The following DNAH8 variants were observed in gnomAD, a reference collection of about 807,000 sequenced individuals.
DNAH8 encodes the protein axonemal beta dynein heavy chain 8.
A neutral mutation model predicts 562.1 loss-of-function variants in DNAH8; 382 were observed. That is an observed-to-expected ratio of 0.68 (90% CI 0.63 to 0.74). The LOEUF (loss-of-function observed/expected upper bound fraction) is 0.74. Among genes scored for constraint, DNAH8 ranks in the 30% least tolerant of loss-of-function variants. The probability of loss-of-function intolerance (pLI) is 0.00; values close to 1 mark genes in which losing one functional copy is unlikely to be tolerated. For synonymous variants in DNAH8, 1,881 were observed against 1,919.4 expected, an observed-to-expected ratio of 0.98 and a Z score of 0.52; for missense variants, 5,203 against 5,620.4, an observed-to-expected ratio of 0.93 and a Z score of 2.37.
In DNAH8 at chr6:38,781,240, A is replaced by G. The variant is rs764071909; in HGVS notation, c.2140-14A>G. ...TATTGAATTCAAACATTAACATCAG[A>G]TTTTTAATTACAGCTTTATCATTCT... On this transcript the variant is annotated splice_polypyrimidine_tract_variant and intron_variant, in intron 15 of 92. Transcript: ENST00000327475. 3.1e-6 allele frequency: 5 copies of G among 1,613,396 alleles called. No individual in the cohort carries two copies.
At chr6:38,864,184 A>G (rs1253658992) in intron 45 of DNAH8, 124 bp downstream of exon 45, 10 of 870,228 alleles carry the variant, frequency 1.1e-5, no homozygotes, top group African/African-American at 3.5e-5. Flanking sequence ...CTCTCTTACC[A>G]TATGATTTTT....
chr6:38,783,112 A>G lies in DNAH8; in HGVS notation c.2368A>G (p.Ile790Val), dbSNP rs3823430. The change falls in exon 17 of 93, where the codon ATC (isoleucine) becomes GTC (valine). Residue 790 changes from isoleucine (I) to valine (V), a missense_variant. Ile to Val is a conservative substitution (Grantham distance 29, BLOSUM62 3). Transcript: ENST00000327475. ...CGAGGTGGTCTATCACACAGCCTGGATCAGAGAGATTTCACAGTTGCATTA... is the reference window on the plus strand; with the variant it reads ...CGAGGTGGTCTATCACACAGCCTGGGTCAGAGAGATTTCACAGTTGCATTA... ...EFEVVYHTAW[I>V]REISQLHYAL... 227,601 of 1,613,132 alleles carry G rather than the reference A, an allele frequency of 0.14. 17,715 individuals are homozygous for G. Among genetic ancestry groups the G allele is most frequent in the East Asian group, 0.34 (15,370 of 44,838 alleles).
intron 88 of DNAH8, among the ~76,000 whole-genome samples, chr6:38,997,918 C>T (rs557241328): frequency 1.3e-4 from 20 of 152,182 alleles, no homozygotes; most frequent in African/African-American, 2.9e-4. Context: ...CCACCAGGCC[C>T]GGCTAATATT....
At chr6:38,801,619 AC>A (rs1770785786) in intron 21 of DNAH8, among the ~76,000 whole-genome samples, 1 of 152,218 alleles carries the variant, frequency 6.6e-6, no homozygotes, top group Admixed American at 6.5e-5. Flanking sequence ...AGCCTCCGTT[AC>A]CATTCCAGTG....
At chr6:38,838,962 C>T (rs1011017327) in intron 33 of DNAH8, among the ~76,000 whole-genome samples, 1 of 152,132 alleles carries the variant, frequency 6.6e-6, no homozygotes. Context: ...AAAGCCACAA[C>T]GTGAAAATTT....
chr6:38,724,144 A>C (rs1339171760), intron 3 of DNAH8, among the ~76,000 whole-genome samples: 1 of 151,688 alleles, frequency 6.6e-6, no homozygotes, highest in Non-Finnish European at 1.5e-5. Flanking sequence ...CGCCCAGCTA[A>C]ATTTTTTTTT....
At chr6:38,876,549 G>A (rs1303360474) in intron 53 of DNAH8, among the ~76,000 whole-genome samples, 1 of 152,198 alleles carries the variant, frequency 6.6e-6, no homozygotes, top group East Asian at 1.9e-4. Flanking sequence ...AAGCAGTAAG[G>A]TAAGCGGCAG....
chr6:38,894,928 T>A (rs922949918), intron 59 of DNAH8, 64 bp downstream of exon 59: 34 of 1,462,708 alleles, frequency 2.3e-5, no homozygotes, highest in Non-Finnish European at 3.0e-5. Context: ...TTGGTTAATT[T>A]TTTTTATTTT....
chr6:38,870,726 A>G (rs924453895), intron 49 of DNAH8, among the ~76,000 whole-genome samples, 164 bp downstream of exon 49: 1 of 152,230 alleles, frequency 6.6e-6, no homozygotes, highest in Non-Finnish European at 1.5e-5. Context: ...TGGTGGTCCT[A>G]GGAAGATAGT....
chr6:38,797,132 G>A (rs1210880114), intron 21 of DNAH8, among the ~76,000 whole-genome samples: 8 of 152,222 alleles, frequency 5.3e-5, no homozygotes, highest in Non-Finnish European at 1.0e-4. Context: ...GGTGACTCAT[G>A]CCTGTAATCC....
At chr6:38,831,413 A>T (rs1209459424) in intron 30 of DNAH8, among the ~76,000 whole-genome samples, 2 of 142,404 alleles carry the variant, frequency 1.4e-5, no homozygotes, top group African/African-American at 5.3e-5. Flanking sequence ...GCCTGGTGAC[A>T]GAGTGAGACA....
intron 88 of DNAH8, among the ~76,000 whole-genome samples, chr6:38,990,812 G>A (rs1414908567): frequency 1.3e-5 from 2 of 152,200 alleles, no homozygotes; most frequent in African/African-American, 4.8e-5. Context: ...AAGCCCCTTG[G>A]CATGAGGTGT....
chr6:38,949,353 G>A, intron 80 of DNAH8, 99 bp from the exon 81 acceptor site: 1 of 767,638 alleles, frequency 1.3e-6, no homozygotes, highest in Non-Finnish European at 2.3e-6. Context: ...AAAATTATCT[G>A]CCTGTAAAGA....
At chr6:38,722,556 G>A (rs1179610861) in intron 1 of DNAH8, among the ~76,000 whole-genome samples, 1 of 150,480 alleles carries the variant, frequency 6.6e-6, no homozygotes, top group Non-Finnish European at 1.5e-5. Flanking sequence ...AGCACTTAAA[G>A]TCTGAAAAAG....
chr6:38,898,270 G>C lies in DNAH8; in HGVS notation c.8953G>C (p.Asp2985His), dbSNP rs1195355302. ...TCTCCACCCATAGATGCCATCCTTTGACTTTCTGGCTGAAAAACTCCAGTT... is the reference window on the plus strand; with the variant it reads ...TCTCCACCCATAGATGCCATCCTTTCACTTTCTGGCTGAAAAACTCCAGTT... ...PKIYELMPSF[D>H]FLAEKLQFYQ... The change falls in exon 61 of 93, where the codon GAC (aspartate) becomes CAC (histidine). Residue 2985 changes from aspartate (D) to histidine (H), a missense_variant. By Grantham distance (81) the Asp-to-His change is moderately conservative. Transcript: ENST00000327475. 2 of 1,590,542 alleles carry C rather than the reference G, an allele frequency of 1.3e-6. No homozygotes were observed. The highest frequency in any genetic ancestry group is 2.7e-5 in the African/African-American group (2 of 73,286).
chr6:38,976,971 CT>C (rs994301032), intron 85 of DNAH8, among the ~76,000 whole-genome samples: 1 of 152,220 alleles, frequency 6.6e-6, no homozygotes, highest in African/African-American at 2.4e-5. Flanking sequence ...AACTCCCTGC[CT>C]GCTCTCCAGT....
intron 58 of DNAH8, among the ~76,000 whole-genome samples, chr6:38,892,300 C>T (rs879425391): frequency 3.9e-5 from 6 of 152,156 alleles, no homozygotes; most frequent in Admixed American, 1.3e-4. Flanking sequence ...TACCTGGCTC[C>T]AGGCCGATTG....
In DNAH8 at chr6:38,872,748, T is replaced by C. The variant is rs756809966; in HGVS notation, c.7203T>C (p.Ser2401=). ...ATGACTGGACAGATGGGATTTTTTC[T>C]ACTCTGTGGAGAAAAACATTAAAAG... ...ATNDWTDGIF[S]TLWRKTLKAK... Residue 2401 remains serine, a synonymous_variant, in exon 50 of 93, where the codon TCT becomes TCC. Coordinates refer to ENST00000327475, the MANE Select transcript of DNAH8 (RefSeq NM_001206927.2). 6.2e-7 allele frequency: 1 copy of C among 1,614,050 alleles called. No homozygotes were observed. Among genetic ancestry groups the C allele is most frequent in the East Asian group, 2.2e-5 (1 of 44,872 alleles).
At chr6:38,807,947 C>T (rs185545571) in intron 24 of DNAH8, among the ~76,000 whole-genome samples, 1 of 152,328 alleles carries the variant, frequency 6.6e-6, no homozygotes, top group East Asian at 1.9e-4. Flanking sequence ...TGGGTCCTCT[C>T]CCTTCTCACC....
Sources: gnomAD v4.1 joint callset for allele counts (sites outside exome capture counted in the v4.1 genomes callset) on GRCh38, gnomAD v4.1.1 for gene constraint, MANE v1.5 for transcripts, NCBI Gene and HGNC (gene_info 2026-07-23, HGNC 2026-07-21) for gene names.